Variants in ATF6 observed in about 807,000 individuals in gnomAD.
The protein encoded by ATF6 is activating transcription factor 6, also known as cyclic AMP-dependent transcription factor ATF-6 alpha.
Under a neutral mutation model 83.6 loss-of-function variants are expected in ATF6, and 53 were observed. The ratio of observed to expected loss-of-function variants is 0.63; its 90% CI spans 0.51 to 0.80. The LOEUF (loss-of-function observed/expected upper bound fraction) is 0.80. Ranked by LOEUF, ATF6 falls within the 30% of genes least tolerant of loss-of-function variation. The probability of loss-of-function intolerance (pLI) is 0.00; values close to 1 mark genes in which losing one functional copy is unlikely to be tolerated. For synonymous variants in ATF6, 288 were observed against 285.8 expected (o/e 1.01, Z -0.08); for missense variants, 744 against 797.9 (o/e 0.93, Z 0.81).
intron 9 of ATF6, among the ~76,000 whole-genome samples, chr1:161,839,673 A>G (rs1458540748): frequency 6.6e-6 from 1 of 152,172 alleles, no homozygotes; most frequent in Non-Finnish European, 1.5e-5. Context: ...GTTCCCTGCC[A>G]GGACTGTAGT....
intron 10 of ATF6, among the ~76,000 whole-genome samples, chr1:161,847,815 G>C (rs1557993190): frequency 6.6e-6 from 1 of 152,042 alleles, no homozygotes; most frequent in African/African-American, 2.4e-5. Context: ...TCTTGCTAAA[G>C]AATAGAACAA....
chr1:161,942,794 A>G (rs931224018), intron 15 of ATF6, among the ~76,000 whole-genome samples: 1 of 152,108 alleles, frequency 6.6e-6, no homozygotes, highest in East Asian at 1.9e-4. Context: ...CAAGGCCCAA[A>G]TCTGTGTGAC....
At chr1:161,880,390 A>C (rs1233149794) in intron 14 of ATF6, among the ~76,000 whole-genome samples, 1 of 151,928 alleles carries the variant, frequency 6.6e-6, no homozygotes, top group Non-Finnish European at 1.5e-5. Flanking sequence ...TCATCACCAT[A>C]GTCAAAATAA....
intron 7 of ATF6, among the ~76,000 whole-genome samples, chr1:161,809,419 A>G (rs2101766525): frequency 6.6e-6 from 1 of 152,304 alleles, no homozygotes; most frequent in African/African-American, 2.4e-5. Flanking sequence ...TATATGTGCC[A>G]CATTTTTTTA....
At chr1:161,859,348 G>A (rs2101834793) in intron 12 of ATF6, among the ~76,000 whole-genome samples, 1 of 152,258 alleles carries the variant, frequency 6.6e-6, no homozygotes, top group South Asian at 2.1e-4. Flanking sequence ...TTATCGCATT[G>A]TATTGTTTTC....
chr1:161,793,397 C>T (rs1301703887), intron 6 of ATF6, among the ~76,000 whole-genome samples: 1 of 152,170 alleles, frequency 6.6e-6, no homozygotes, highest in Admixed American at 6.5e-5. Context: ...AGAACTGCTG[C>T]CTTTTCCATC....
chr1:161,832,188 C>A (rs144810290), intron 9 of ATF6, among the ~76,000 whole-genome samples: 1 of 151,734 alleles, frequency 6.6e-6, no homozygotes, highest in Non-Finnish European at 1.5e-5. Flanking sequence ...CAAAAGACTA[C>A]CAGAATTGGC....
intron 15 of ATF6, among the ~76,000 whole-genome samples, chr1:161,942,105 C>G (rs1054251647): frequency 2.6e-5 from 4 of 152,136 alleles, no homozygotes; most frequent in South Asian, 2.1e-4. Flanking sequence ...CTTTCACTGC[C>G]TCCTTAATGT....
At chr1:161,875,548 G>A (rs1687198513) in intron 14 of ATF6, among the ~76,000 whole-genome samples, 1 of 151,780 alleles carries the variant, frequency 6.6e-6, no homozygotes, top group African/African-American at 2.4e-5. Context: ...CATGGTAGCA[G>A]ATAGAAGTTT....
Position 161,888,037 on chromosome 1 carries a change from C to T in ATF6, c.1720-24259C>T, listed in dbSNP as rs114717328. On this transcript the variant is annotated intron_variant, in intron 14 of 15. Coordinates refer to ENST00000367942, the MANE Select transcript of ATF6 (RefSeq NM_007348.4). ...TCTATGAGGGAAGAAAAATTAGGGG[C>T]TGTTATTTTCCTATCAACCATCACT... 2.8e-3 allele frequency among the ~76,000 whole-genome samples: 421 copies of T among 152,262 alleles called. 1 individual carries two copies. Among genetic ancestry groups the T allele is most frequent in the African/African-American group, 9.4e-3 (392 of 41,556 alleles).
At chr1:161,946,102 C>T (rs1008101090) in intron 15 of ATF6, among the ~76,000 whole-genome samples, 4 of 152,256 alleles carry the variant, frequency 2.6e-5, no homozygotes, top group East Asian at 1.9e-4. Context: ...ACCTCCCAAG[C>T]TCAGGTGTTA....
At chr1:161,793,900 C>T in intron 6 of ATF6, among the ~76,000 whole-genome samples, 1 of 152,012 alleles carries the variant, frequency 6.6e-6, no homozygotes, top group East Asian at 1.9e-4. Context: ...AGGAACTGCA[C>T]CTTGCCTGTT....
intron 9 of ATF6, among the ~76,000 whole-genome samples, chr1:161,831,963 A>G (rs1376587532): frequency 6.6e-6 from 1 of 151,424 alleles, no homozygotes; most frequent in Non-Finnish European, 1.5e-5. Flanking sequence ...AAAAAGAAAG[A>G]AAAATTTCCA....
intron 14 of ATF6, among the ~76,000 whole-genome samples, chr1:161,900,699 C>T (rs76542454): frequency 6.6e-6 from 1 of 151,994 alleles, no homozygotes; most frequent in African/African-American, 2.4e-5. Flanking sequence ...ATAGTGTATG[C>T]TAATTATTTG....
chr1:161,827,419 C>T (rs1685930483), intron 9 of ATF6, among the ~76,000 whole-genome samples: 1 of 151,930 alleles, frequency 6.6e-6, no homozygotes, highest in Non-Finnish European at 1.5e-5. Context: ...TTGGAAAATG[C>T]ATAGGCTTTA....
intron 15 of ATF6, among the ~76,000 whole-genome samples, chr1:161,940,270 G>T (rs565627441): frequency 5.1e-4 from 78 of 152,170 alleles, no homozygotes; most frequent in Non-Finnish European, 6.6e-4. Context: ...TACCACCAAT[G>T]ACTTATTTTA....
At chr1:161,897,829 A>G (rs1362075946) in intron 14 of ATF6, among the ~76,000 whole-genome samples, 2 of 152,216 alleles carry the variant, frequency 1.3e-5, no homozygotes, top group Non-Finnish European at 1.5e-5. Flanking sequence ...AAAGTAGATT[A>G]TTAAAATTAA....
intron 14 of ATF6, among the ~76,000 whole-genome samples, chr1:161,901,371 C>T (rs758366656): frequency 6.7e-6 from 1 of 149,646 alleles, no homozygotes; most frequent in Non-Finnish European, 1.5e-5. Context: ...TGCTCAATAT[C>T]ATTAGCCATT....
intron 8 of ATF6, 24 bp from the exon 9 acceptor site, chr1:161,821,046 A>T (rs1265370171): frequency 6.5e-7 from 1 of 1,531,728 alleles, no homozygotes; most frequent in African/African-American, 1.4e-5. Flanking sequence ...GTTTAATTGT[A>T]TTTAATGTGG....
Sources: allele counts gnomAD v4.1 joint callset (sites outside exome capture counted in the v4.1 genomes callset), GRCh38; gene constraint gnomAD v4.1.1; transcripts MANE v1.5; gene names NCBI Gene and HGNC (gene_info 2026-07-23, HGNC 2026-07-21).